TAOK3: variants seen among roughly 807,000 people sequenced by gnomAD.
The protein encoded by TAOK3 is serine/threonine-protein kinase TAO3.
In TAOK3, 40 loss-of-function variants were observed where a neutral mutation model predicts 120.4. The observed-to-expected ratio is 0.33, with a 90% CI of 0.26 to 0.43. The LOEUF (loss-of-function observed/expected upper bound fraction) is 0.43, where lower values mean the gene tolerates loss of function less well. TAOK3 is among the 20% of genes least tolerant of loss of function. The probability of loss-of-function intolerance (pLI) is 1.00; values close to 1 mark genes in which losing one functional copy is unlikely to be tolerated. For synonymous variants in TAOK3, 355 were observed against 387.5 expected (o/e 0.92, Z 0.99); for missense variants, 821 against 1,112.1 (o/e 0.74, Z 3.72).
rs755549548 is a variant in TAOK3, at chr12:118,177,195, C to T, written c.1695+6G>A. On this transcript the variant is annotated splice_donor_region_variant and intron_variant, in intron 16 of 20. Transcript: ENST00000392533. ...ACTTGGTGAGAACAAACATTGGTAT[C>T]CTTACCTCTTTTATTTTTTCCTTAC... is the stretch of plus-strand genomic sequence containing the variant. 3.1e-6 allele frequency: 5 copies of T among 1,612,950 alleles called. 1 individual carries two copies. The highest frequency in any genetic ancestry group is 8.5e-7 in the Non-Finnish European group (1 of 1,179,586).
intron 19 of TAOK3, among the ~76,000 whole-genome samples, chr12:118,155,963 T>C (rs1385086764): frequency 6.6e-6 from 1 of 152,132 alleles, no homozygotes; most frequent in Non-Finnish European, 1.5e-5. Context: ...CCAAGAATTC[T>C]TGGCCTCAAG....
chr12:118,286,661 A>C (rs2140473550), intron 1 of TAOK3, among the ~76,000 whole-genome samples: 1 of 152,302 alleles, frequency 6.6e-6, no homozygotes. Flanking sequence ...AACAGTGTGG[A>C]GATTCCTTAA....
intron 9 of TAOK3, among the ~76,000 whole-genome samples, chr12:118,229,733 C>T (rs1412191682): frequency 6.6e-6 from 1 of 151,960 alleles, no homozygotes; most frequent in Non-Finnish European, 1.5e-5. Flanking sequence ...AGATTGAGAC[C>T]ATCCTGGCTA....
chr12:118,235,751 A>G, intron 7 of TAOK3, 80 bp from the exon 8 acceptor site: 1 of 866,776 alleles, frequency 1.2e-6, no homozygotes, highest in South Asian at 1.6e-5. Flanking sequence ...AATTAATAAG[A>G]CAAAAAGTTT....
chr12:118,177,136 G>T, intron 16 of TAOK3, 65 bp downstream of exon 16: 1 of 1,498,646 alleles, frequency 6.7e-7, no homozygotes. Context: ...AATGCAAGAT[G>T]AGTGAATGTT....
intron 1 of TAOK3, among the ~76,000 whole-genome samples, chr12:118,364,009 T>TAA (rs1171738448): frequency 6.6e-6 from 1 of 151,934 alleles, no homozygotes; most frequent in Non-Finnish European, 1.5e-5. Flanking sequence ...TAATCCCAGT[T>TAA]ACGCCTATAA....
chr12:118,179,811 A>AT (rs1343014139), intron 15 of TAOK3, among the ~76,000 whole-genome samples: 16 of 147,382 alleles, frequency 1.1e-4, no homozygotes, highest in Non-Finnish European at 1.6e-4. Context: ...TGCCCAGCTA[A>AT]TTTTTTGTAT....
chr12:118,354,099 T>C (rs1406187629), intron 1 of TAOK3, among the ~76,000 whole-genome samples: 6 of 152,246 alleles, frequency 3.9e-5, no homozygotes, highest in Non-Finnish European at 8.8e-5. Flanking sequence ...GCAGTAGTTG[T>C]CCTTATGTGT....
At chr12:118,234,847 A>G (rs1034796548) in intron 8 of TAOK3, among the ~76,000 whole-genome samples, 7 of 152,234 alleles carry the variant, frequency 4.6e-5, no homozygotes, top group Non-Finnish European at 1.0e-4. Flanking sequence ...TTGTTTGTCC[A>G]TAATGCATCT....
rs74622505 is a variant in TAOK3 at position 118,161,695 on chromosome 12, T to A, written c.2139+93A>T. The A allele has an allele frequency of 0.065, 97,885 of 1,513,722 alleles. 3,664 individuals carry two copies. The highest frequency in any genetic ancestry group is 0.13 in the Admixed American group (7,328 of 55,106). The allele number at this position is 1,513,722 out of a possible 1,614,324, so 93.8% of individuals were successfully genotyped here. A position where few individuals can be genotyped will look rare whatever the true frequency, so the allele number is the denominator to read the frequency against. On this transcript the variant is annotated intron_variant, in intron 18 of 20. Transcript: ENST00000392533. The surrounding 1 kb of genome is among the most constrained non-coding windows in gnomAD (Gnocchi z 4.5). ...TACAATAGGTGTGGGGTGCAGAAAT[T>A]TGTGATTCTGAAAAGTTGCTCAGGT...
chr12:118,330,762 CAA>C (rs79525282), intron 1 of TAOK3, among the ~76,000 whole-genome samples: 10 of 106,130 alleles, frequency 9.4e-5, no homozygotes, highest in East Asian at 4.7e-4. Flanking sequence ...AAGAGGAGGA[CAA>C]AAAAAAAAAA....
chr12:118,216,425 T>C (rs1253226768), intron 9 of TAOK3, among the ~76,000 whole-genome samples: 1 of 152,206 alleles, frequency 6.6e-6, no homozygotes, highest in Non-Finnish European at 1.5e-5. Context: ...ATCATACAAA[T>C]CTTTTCTCTC....
At position 118,344,680 on chromosome 12, in the gene TAOK3, AT is replaced by A. The variant is rs1378095713; in HGVS notation, c.-194+27967del. 6.2e-4 allele frequency among the ~76,000 whole-genome samples: 95 copies of A among 152,364 alleles called. 2 individuals are homozygous for A. The highest frequency in any genetic ancestry group is 2.2e-3 in the African/African-American group (92 of 41,588). On this transcript the variant is annotated intron_variant, in intron 1 of 20. Transcript: ENST00000392533. The stretch of plus-strand genomic sequence containing the variant: ...GAAAAATTTTGCAGAAGTAAAAAAA[AT>A]AAATAAATAAGGCTTCCTCTTAACT...
chr12:118,327,911 C>G (rs889186089), intron 1 of TAOK3, among the ~76,000 whole-genome samples: 5 of 152,086 alleles, frequency 3.3e-5, no homozygotes, highest in Admixed American at 2.0e-4. Context: ...CCAACAGGAC[C>G]CTTTTTCTTA....
At chr12:118,216,109 A>G (rs1293953058) in intron 9 of TAOK3, among the ~76,000 whole-genome samples, 1 of 152,064 alleles carries the variant, frequency 6.6e-6, no homozygotes, top group Non-Finnish European at 1.5e-5. Flanking sequence ...GAGGCAGAAG[A>G]ATCACTTGAA....
In TAOK3 at chr12:118,172,552, T is replaced by A. The variant is rs575733900; in HGVS notation, c.1804A>T (p.Thr602Ser). The change falls in exon 17 of 21, where the codon ACT (threonine) becomes TCT (serine). Residue 602 changes from threonine (T) to serine (S), a missense_variant. Around this residue, in one of 2 missense-constraint regions of TAOK3, gnomAD observed 354 missense variants for 572.1 expected, o/e 0.62. Coordinates refer to ENST00000392533, the MANE Select transcript of TAOK3 (RefSeq NM_016281.4). ...TQAEEEAHLL[T>S]QQRLYYDKNC... ...TTGTCGTAGTACAGTCTCTGTTGAG[T>A]GAGAAGGTGGGCTTCCTCTTCAGCC... The A allele has an allele frequency of 8.1e-6, 13 of 1,613,970 alleles. No individual in the cohort carries two copies. In the Admixed American group the frequency reaches 2.0e-4, roughly 25 times the overall value.
intron 13 of TAOK3, among the ~76,000 whole-genome samples, chr12:118,197,504 A>C (rs116125659): frequency 1.3e-5 from 2 of 152,168 alleles, no homozygotes; most frequent in Non-Finnish European, 2.9e-5. Flanking sequence ...TTATGCCAGT[A>C]GTGTCTTTCT....
chr12:118,168,969 CTT>C (rs2035790910), intron 17 of TAOK3, among the ~76,000 whole-genome samples: 1 of 41,926 alleles, frequency 2.4e-5, no homozygotes, highest in Non-Finnish European at 6.1e-5. Flanking sequence ...TCCTTCCTTC[CTT>C]CCTTCCTTCC....
chr12:118,237,793 T>C (rs1440782113), intron 7 of TAOK3, among the ~76,000 whole-genome samples: 2 of 152,206 alleles, frequency 1.3e-5, no homozygotes, highest in East Asian at 3.8e-4. Flanking sequence ...TGACACAGTA[T>C]CTAAAGATTG....
Sources: gnomAD v4.1 joint callset for allele counts (sites outside exome capture counted in the v4.1 genomes callset) on GRCh38, gnomAD v4.1.1 for gene constraint, gnomAD v4.1.1 regional missense constraint, Gnocchi (gnomAD v3.1) non-coding constraint, MANE v1.5 for transcripts, NCBI Gene and HGNC (gene_info 2026-07-23, HGNC 2026-07-21) for gene names.